Variants in SS18L1 observed in about 807,000 individuals in gnomAD.
SS18L1 encodes the protein calcium-responsive transactivator.
Under a neutral mutation model 70.3 loss-of-function variants are expected in SS18L1, and 32 were observed. The observed-to-expected ratio is 0.46, with a 90% CI of 0.34 to 0.61. The LOEUF is 0.61. SS18L1 is among the 20% of genes least tolerant of loss of function. The pLI is 0.01. For synonymous variants in SS18L1, 237 were observed against 229.7 expected (o/e 1.03, Z -0.29); for missense variants, 430 against 542.1 (o/e 0.79, Z 2.05).
chr20:62,181,028 A>C lies in SS18L1; in HGVS notation c.*1820A>C, dbSNP rs2057698181. On this transcript the variant is annotated 3_prime_UTR_variant, in exon 11 of 11. Transcript: ENST00000331758. Reference sequence around the variant, plus strand: ...TGACAGCCCCTATGAGGAAATCTGGAGGCAGGTAACAGTTCCCATTTTAGA... The same window carrying C: ...TGACAGCCCCTATGAGGAAATCTGGCGGCAGGTAACAGTTCCCATTTTAGA... 5.3e-6 allele frequency: 1 copy of C among 187,672 alleles called. No individual in the cohort carries two copies. Among genetic ancestry groups the C allele is most frequent in the African/African-American group, 2.3e-5 (1 of 42,786 alleles). The allele number at this position is 187,672 out of a possible 1,614,324, so 11.6% of individuals were successfully genotyped here.
At chr20:62,154,258 C>G (rs1435744718) in intron 1 of SS18L1, 3 of 955,620 alleles carry the variant, frequency 3.1e-6, no homozygotes, top group Non-Finnish European at 3.8e-6. Context: ...GTTCATCTTC[C>G]TTGTCTTTGA....
intron 1 of SS18L1, among the ~76,000 whole-genome samples, chr20:62,157,469 C>T (rs967418745): frequency 3.3e-5 from 5 of 152,216 alleles, no homozygotes; most frequent in Non-Finnish European, 5.9e-5. Context: ...CTGACAGGTT[C>T]CTGGCAGTGC....
At chr20:62,172,892 G>C (rs1164388167) in intron 9 of SS18L1, 91 bp downstream of exon 9, 1 of 1,564,128 alleles carries the variant, frequency 6.4e-7, no homozygotes, top group Non-Finnish European at 8.7e-7. Context: ...AGCCAGCAGA[G>C]CTACCCTGGG....
intron 4 of SS18L1, 113 bp from the exon 5 acceptor site, chr20:62,162,639 G>A (rs2057350152): frequency 1.8e-6 from 2 of 1,118,322 alleles, no homozygotes; most frequent in East Asian, 2.6e-5. Context: ...TAATAGTGCT[G>A]TTGATAGCAA....
At chr20:62,170,929 TCTCA>T (rs1254919624) in intron 8 of SS18L1, among the ~76,000 whole-genome samples, 1 of 148,596 alleles carries the variant, frequency 6.7e-6, no homozygotes, top group East Asian at 2.0e-4. Context: ...TGAGATGGAG[TCTCA>T]CTCTATCGCC....
chr20:62,165,793 C>T (rs79698384), intron 8 of SS18L1, among the ~76,000 whole-genome samples: 3,992 of 151,288 alleles, frequency 0.026, 180 homozygotes, highest in African/African-American at 0.09. Context: ...AGCCAGGGAG[C>T]GTGGGGCCTG....
chr20:62,153,292 T>C (rs945308677), intron 1 of SS18L1, among the ~76,000 whole-genome samples: 3 of 152,224 alleles, frequency 2.0e-5, no homozygotes, highest in Admixed American at 1.3e-4. Flanking sequence ...TTATGGGAAC[T>C]ACAATTGAAG....
rs561720125 is a variant in SS18L1, at chr20:62,159,691, G to A, written c.147-186G>A. ...GGTTTGGGGTAGAGGCTGCCCTCCC[G>A]TCCCCACCGAGACCCCAGCACCCTG... On this transcript the variant is annotated intron_variant, in intron 2 of 10. Coordinates refer to ENST00000331758, the MANE Select transcript of SS18L1 (RefSeq NM_198935.3). The surrounding 1 kb of genome is among the most constrained non-coding windows in gnomAD (Gnocchi z 4.4). 3.9e-5 allele frequency among the ~76,000 whole-genome samples: 6 copies of A among 152,062 alleles called. No homozygotes were observed. Among genetic ancestry groups the A allele is most frequent in the East Asian group, 1.9e-4 (1 of 5,150 alleles).
intron 1 of SS18L1, among the ~76,000 whole-genome samples, chr20:62,145,365 C>T (rs979004657): frequency 6.6e-6 from 1 of 152,172 alleles, no homozygotes. Context: ...AGGTGTCGAT[C>T]CCATACGGTG....
chr20:62,144,771 A>G (rs2056993603), intron 1 of SS18L1, among the ~76,000 whole-genome samples: 1 of 152,264 alleles, frequency 6.6e-6, no homozygotes, highest in African/African-American at 2.4e-5. Flanking sequence ...ACAGATTCGG[A>G]AGAAAATCAG....
At chr20:62,151,083 T>C (rs1475224) in intron 1 of SS18L1, among the ~76,000 whole-genome samples, 32,857 of 152,204 alleles carry the variant, frequency 0.22, 8,542 homozygotes, top group African/African-American at 0.63. Context: ...CTCCTCTGTC[T>C]GGCTTCCAGG....
intron 6 of SS18L1, 59 bp downstream of exon 6, chr20:62,163,681 CAGGCTGTGTGTGCTTCTCTTCGGGG>C: frequency 1.4e-6 from 2 of 1,471,504 alleles, no homozygotes; most frequent in Non-Finnish European, 1.8e-6. Context: ...CGTGAAGTGC[CAGGCTGTGTGTGCTTCTCTTCGGGG>C]AGCCTGGGGG....
Position 62,158,971 on chromosome 20 carries a change from A to C in SS18L1, c.146+223A>C. 6.5e-7 allele frequency: 1 copy of C among 1,548,886 alleles called. No homozygotes were observed. The highest frequency in any genetic ancestry group is 8.7e-7 in the Non-Finnish European group (1 of 1,148,714). On this transcript the variant is annotated intron_variant, in intron 2 of 10. Coordinates refer to ENST00000331758, the MANE Select transcript of SS18L1 (RefSeq NM_198935.3). The surrounding 1 kb of genome is among the most constrained non-coding windows in gnomAD (Gnocchi z 4.5). ...AGATATGTCCCGAGAGTCCCCCAGCACGGAGGCCAGATATGTCCCGAGAGT... is the reference window on the plus strand; with the variant it reads ...AGATATGTCCCGAGAGTCCCCCAGCCCGGAGGCCAGATATGTCCCGAGAGT...
In SS18L1 at chr20:62,180,648, C is replaced by G. The variant is rs984232590; in HGVS notation, c.*1440C>G. 2 of 165,678 alleles carry G rather than the reference C, an allele frequency of 1.2e-5. No individual in the cohort carries two copies. The highest frequency in any genetic ancestry group is 2.6e-5 in the Non-Finnish European group (2 of 75,644). 10.3% of individuals were successfully genotyped at this position (165,678 alleles called of 1,614,324 possible). ...TGGTGGTTCACGCCTGTAATCCCAG[C>G]ACTTTGGGAGGCCGAAGCGGGCGGA... On this transcript the variant is annotated 3_prime_UTR_variant, in exon 11 of 11. Transcript: ENST00000331758.
intron 1 of SS18L1, among the ~76,000 whole-genome samples, chr20:62,145,640 A>G (rs575026281): frequency 6.6e-6 from 1 of 152,362 alleles, no homozygotes; most frequent in South Asian, 2.1e-4. Flanking sequence ...ACATCAGATC[A>G]GAAAGGAAGA....
chr20:62,151,624 A>C (rs1568738143), intron 1 of SS18L1, among the ~76,000 whole-genome samples: 1 of 152,200 alleles, frequency 6.6e-6, no homozygotes, highest in Non-Finnish European at 1.5e-5. Context: ...GCCCAGAATC[A>C]TGAGAACTAA....
At chr20:62,168,156 G>C (rs6121524) in intron 8 of SS18L1, among the ~76,000 whole-genome samples, 7,930 of 151,960 alleles carry the variant, frequency 0.052, 649 homozygotes, top group African/African-American at 0.18. Context: ...TGTGGGTTAG[G>C]TACTCTTGCC....
At chr20:62,165,314 T>G in intron 7 of SS18L1, 108 bp from the exon 8 acceptor site, 1 of 1,100,068 alleles carries the variant, frequency 9.1e-7, no homozygotes, top group South Asian at 1.4e-5. Context: ...CGGCTCTTGT[T>G]GCCTCCCTGG....
Position 62,158,610 on chromosome 20 carries a change from G to A in SS18L1, c.70-62G>A. The A allele has an allele frequency of 1.9e-6, 3 of 1,588,084 alleles. No homozygotes were observed. Among genetic ancestry groups the A allele is most frequent in the East Asian group, 4.5e-5 (2 of 44,038 alleles). On this transcript the variant is annotated intron_variant, in intron 1 of 10. Coordinates refer to ENST00000331758, the MANE Select transcript of SS18L1 (RefSeq NM_198935.3). The surrounding 1 kb of genome is among the most constrained non-coding windows in gnomAD (Gnocchi z 4.5). ...GAAAACTAGATGTGTAGCGATGGCT[G>A]TTCATCCCGAGGGTCAGCGACAGCC...
Sources: gnomAD v4.1 joint callset for allele counts (sites outside exome capture counted in the v4.1 genomes callset) on GRCh38, gnomAD v4.1.1 for gene constraint, Gnocchi (gnomAD v3.1) non-coding constraint, MANE v1.5 for transcripts, NCBI Gene and HGNC (gene_info 2026-07-23, HGNC 2026-07-21) for gene names.